Variants in KIAA1958 observed in about 807,000 individuals in gnomAD.
The protein encoded by KIAA1958 is uncharacterized protein KIAA1958.
In KIAA1958, 14 loss-of-function variants were observed where a neutral mutation model predicts 47.2. That is an observed-to-expected ratio of 0.30 (90% CI 0.20 to 0.46). The LOEUF (loss-of-function observed/expected upper bound fraction) is 0.46, where lower values mean the gene tolerates loss of function less well. Among genes scored for constraint, KIAA1958 ranks in the 20% least tolerant of loss-of-function variants. The pLI, the probability that KIAA1958 is intolerant of heterozygous loss-of-function variation, is 1.00. For synonymous variants in KIAA1958, 354 were observed against 353.3 expected (o/e 1.00, Z -0.02); for missense variants, 803 against 909.2 (o/e 0.88, Z 1.50).
rs904808692 is a variant in KIAA1958 at position 112,660,573 on chromosome 9, TC to T, written c.*505del. The T allele has an allele frequency of 8.1e-4, 128 of 157,740 alleles. No individual in the cohort carries two copies. The highest frequency in any genetic ancestry group is 1.7e-3 in the African/African-American group (72 of 41,474). The allele number at this position is 157,740 out of a possible 1,614,324, so 9.8% of individuals were successfully genotyped here. A position where few individuals can be genotyped will look rare whatever the true frequency, so the allele number is the denominator to read the frequency against. Reference sequence around the variant, plus strand: ...GATTGCGCTTGATGCGCCTTTTTTTTCTGTTGGTGGATAAGGTGGTTCTGGA... The same window carrying T: ...GATTGCGCTTGATGCGCCTTTTTTTTTGTTGGTGGATAAGGTGGTTCTGGA... On this transcript the variant is annotated 3_prime_UTR_variant, in exon 4 of 4. Transcript: ENST00000337530.
Position 112,509,119 on chromosome 9 carries a change from G to C in KIAA1958, c.-25+22001G>C, listed in dbSNP as rs868626635. Among the ~76,000 whole-genome samples, 463 of 151,468 alleles carry C rather than the reference G, an allele frequency of 3.1e-3. 5 individuals are homozygous for C. Among genetic ancestry groups the C allele is most frequent in the Middle Eastern group, 0.014 (4 of 292 alleles). Reference sequence around the variant, plus strand: ...TTTTGTCAGTGTTAGAATAGTGTATGGAGAAAGCTTATCACAGAGAAGTTC... The same window carrying C: ...TTTTGTCAGTGTTAGAATAGTGTATCGAGAAAGCTTATCACAGAGAAGTTC... On this transcript the variant is annotated intron_variant, in intron 1 of 3. Transcript: ENST00000337530.
In KIAA1958 at chr9:112,507,162, T is replaced by C. The variant is rs116688517; in HGVS notation, c.-25+20044T>C. Among the ~76,000 whole-genome samples the C allele has an allele frequency of 5.1e-3, 776 of 152,282 alleles. 11 individuals carry two copies. Among genetic ancestry groups the C allele is most frequent in the African/African-American group, 0.018 (735 of 41,540 alleles). ...AAAGCATGAAATTGTGACACTGAAT[T>C]TGCCTTTCTTTCCCAACTCCCTGCT... On this transcript the variant is annotated intron_variant, in intron 1 of 3. Coordinates refer to ENST00000337530, the MANE Select transcript of KIAA1958 (RefSeq NM_133465.4).
intron 1 of KIAA1958, among the ~76,000 whole-genome samples, chr9:112,509,339 T>C (rs1233304135): frequency 1.3e-5 from 2 of 152,098 alleles, no homozygotes; most frequent in Non-Finnish European, 2.9e-5. Flanking sequence ...TAGCTGGGAT[T>C]ACAGGTGTGT....
chr9:112,516,876 G>A (rs1312560207), intron 1 of KIAA1958, among the ~76,000 whole-genome samples: 1 of 152,212 alleles, frequency 6.6e-6, no homozygotes, highest in African/African-American at 2.4e-5. Context: ...GCCATGTGGT[G>A]GAAGATTTAT....
chr9:112,540,522 A>G (rs1246463158), intron 1 of KIAA1958, among the ~76,000 whole-genome samples: 1 of 152,212 alleles, frequency 6.6e-6, no homozygotes, highest in Non-Finnish European at 1.5e-5. Flanking sequence ...AATCGGGGGT[A>G]AAAACTCCAC....
In KIAA1958 at chr9:112,553,260, C is replaced by T. The variant is rs999161607; in HGVS notation, c.-24-20797C>T. On this transcript the variant is annotated intron_variant, in intron 1 of 3. Transcript: ENST00000337530. ...GAGTGCAGTGGTATGATCGTTGGCTCACTGTAGCCTTGACTTCCCAGACTC... is the reference window on the plus strand; with the variant it reads ...GAGTGCAGTGGTATGATCGTTGGCTTACTGTAGCCTTGACTTCCCAGACTC... Among the ~76,000 whole-genome samples the T allele has an allele frequency of 5.3e-5, 8 of 151,478 alleles. No individual in the cohort carries two copies. In the East Asian group the frequency reaches 1.4e-3, roughly 26 times the overall value.
chr9:112,629,635 GACTC>G (rs1836675834), intron 2 of KIAA1958, among the ~76,000 whole-genome samples: 1 of 151,942 alleles, frequency 6.6e-6, no homozygotes, highest in African/African-American at 2.4e-5. Context: ...CATCTTTGTC[GACTC>G]ACTGTTTTTG....
intron 1 of KIAA1958, among the ~76,000 whole-genome samples, chr9:112,545,299 T>C (rs1414168593): frequency 6.6e-6 from 1 of 152,202 alleles, no homozygotes; most frequent in South Asian, 2.1e-4. Flanking sequence ...TGTCTTTTAC[T>C]GTTAAGTTCC....
intron 1 of KIAA1958, among the ~76,000 whole-genome samples, chr9:112,549,937 A>T (rs1835112338): frequency 6.6e-6 from 1 of 152,196 alleles, no homozygotes; most frequent in Non-Finnish European, 1.5e-5. Flanking sequence ...TCCTGCTGTA[A>T]ATCAAGTTGT....
At position 112,618,825 on chromosome 9, in the gene KIAA1958, G is replaced by C; in HGVS notation, c.1172-26825G>C. 1 of 1,550,572 alleles carries C rather than the reference G, an allele frequency of 6.4e-7. No homozygotes were observed. Among genetic ancestry groups the C allele is most frequent in the Non-Finnish European group, 8.7e-7 (1 of 1,146,948 alleles). On this transcript the variant is annotated intron_variant, in intron 2 of 3. Transcript: ENST00000337530. The surrounding 1 kb of genome is among the most constrained non-coding windows in gnomAD (Gnocchi z 7.1). ...CTCGTGCTGATCTGTAACAATCTGAGCCAGCAGGCTGCCCAGTCAGTGGCC... is the reference window on the plus strand; with the variant it reads ...CTCGTGCTGATCTGTAACAATCTGACCCAGCAGGCTGCCCAGTCAGTGGCC...
chr9:112,500,455 A>ATT (rs201069638), intron 1 of KIAA1958, among the ~76,000 whole-genome samples: 8 of 139,448 alleles, frequency 5.7e-5, no homozygotes, highest in Admixed American at 1.4e-4. Flanking sequence ...AATATCATTA[A>ATT]TTTTTTTTTT....
intron 1 of KIAA1958, among the ~76,000 whole-genome samples, chr9:112,488,420 A>G (rs1371302201): frequency 6.6e-6 from 1 of 152,214 alleles, no homozygotes; most frequent in Non-Finnish European, 1.5e-5. Context: ...GAGGTTGAAT[A>G]AGCACCCAGA....
chr9:112,665,132 A>C lies in KIAA1958; in HGVS notation c.*5063A>C, dbSNP rs1564207951. ...ACTGGATAATATGTAGATATATTTTAGTTCCATTACTATTAATAGCAATTA... is the reference window on the plus strand; with the variant it reads ...ACTGGATAATATGTAGATATATTTTCGTTCCATTACTATTAATAGCAATTA... On this transcript the variant is annotated 3_prime_UTR_variant, in exon 4 of 4. Transcript: ENST00000337530. The C allele has an allele frequency of 6.6e-6, 1 of 152,222 alleles. No individual in the cohort carries two copies. Among genetic ancestry groups the C allele is most frequent in the African/African-American group, 2.4e-5 (1 of 41,458 alleles). 9.4% of individuals were successfully genotyped at this position (152,222 alleles called of 1,614,324 possible).
chr9:112,658,912 C>T (rs1232173862), intron 3 of KIAA1958, among the ~76,000 whole-genome samples: 2 of 149,272 alleles, frequency 1.3e-5, no homozygotes, highest in African/African-American at 2.5e-5. Context: ...CCCAGCTACT[C>T]GGAAGGCTGA....
intron 2 of KIAA1958, among the ~76,000 whole-genome samples, chr9:112,638,368 T>C (rs748298542): frequency 7.3e-5 from 11 of 151,700 alleles, no homozygotes; most frequent in Non-Finnish European, 1.6e-4. Flanking sequence ...AGCCAGGTGT[T>C]GTGCATGCAG....
chr9:112,513,388 C>CAG (rs1834356253), intron 1 of KIAA1958, among the ~76,000 whole-genome samples: 1 of 149,296 alleles, frequency 6.7e-6, no homozygotes, highest in South Asian at 2.2e-4. Context: ...AACAGCCATG[C>CAG]AGAGGCTCAG....
chr9:112,508,096 C>T (rs1239941032), intron 1 of KIAA1958, among the ~76,000 whole-genome samples: 1 of 152,044 alleles, frequency 6.6e-6, no homozygotes, highest in Non-Finnish European at 1.5e-5. Flanking sequence ...CAAACAATCT[C>T]TGTTTTGTGT....
chr9:112,496,781 A>G (rs1834058002), intron 1 of KIAA1958, among the ~76,000 whole-genome samples: 2 of 152,160 alleles, frequency 1.3e-5, no homozygotes, highest in Non-Finnish European at 2.9e-5. Context: ...GGTTGTTCTT[A>G]GATACAATTT....
At chr9:112,593,288 A>G (rs763733263) in intron 2 of KIAA1958, among the ~76,000 whole-genome samples, 1 of 152,218 alleles carries the variant, frequency 6.6e-6, no homozygotes, top group Admixed American at 6.5e-5. Context: ...CTGAATATAC[A>G]TCAGTAACCC....
Sources: allele counts gnomAD v4.1 joint callset (sites outside exome capture counted in the v4.1 genomes callset), GRCh38; gene constraint gnomAD v4.1.1; non-coding constraint Gnocchi (gnomAD v3.1); transcripts MANE v1.5; gene names NCBI Gene and HGNC (gene_info 2026-07-23, HGNC 2026-07-21).